The following HORMAD1 variants were observed in gnomAD, a reference collection of about 807,000 sequenced individuals.
HORMAD1 encodes the protein HORMA domain containing 1, also known as HORMA domain-containing protein 1.
Under a neutral mutation model 58.2 loss-of-function variants are expected in HORMAD1, and 33 were observed. The ratio of observed to expected loss-of-function variants is 0.57; its 90% CI spans 0.43 to 0.76. HORMAD1 has a LOEUF of 0.76. HORMAD1 is among the 30% of genes least tolerant of loss of function. HORMAD1 has a pLI of 0.00. For missense variants in HORMAD1, 363 were observed against 462.0 expected (o/e 0.79, Z 1.96); for synonymous variants, 137 against 144.6 (o/e 0.95, Z 0.38).
rs1652108466 is a variant in HORMAD1 at position 150,717,234 on chromosome 1, C to T, written c.82G>A (p.Val28Met). Residue 28 changes from valine (V) to methionine (M), a missense_variant, in exon 3 of 15, where the codon GTG (valine) becomes ATG (methionine). By Grantham distance (21) the Val-to-Met change is conservative. This residue lies in a region of HORMAD1 where 128 missense variants were observed against 171.8 expected (regional missense o/e 0.74). Coordinates refer to ENST00000361824, the MANE Select transcript of HORMAD1 (RefSeq NM_032132.5). ...NKISTEHQSLVLVKRLLAVSV... is the reference protein window; with the variant it reads ...NKISTEHQSLMLVKRLLAVSV... ...ACTGCTAGAAGCCTCTTCACTAACA[C>T]CAAAGACTGGTGTTCAGTTGATATC... 3 of 1,595,812 alleles carry T rather than the reference C, an allele frequency of 1.9e-6. No individual in the cohort carries two copies. Among genetic ancestry groups the T allele is most frequent in the African/African-American group, 1.3e-5 (1 of 74,320 alleles).
At chr1:150,704,872 G>A (rs112718432) in intron 10 of HORMAD1, among the ~76,000 whole-genome samples, 54,968 of 151,660 alleles carry the variant, frequency 0.36, 10,388 homozygotes, top group South Asian at 0.54. Context: ...GTGAAATCTC[G>A]TCTCTACTAA....
intron 14 of HORMAD1, 133 bp from the exon 15 acceptor site, chr1:150,698,867 A>G: frequency 1.9e-6 from 1 of 529,582 alleles, no homozygotes; most frequent in South Asian, 3.1e-5. Flanking sequence ...GCATAACTAT[A>G]TCTGGGTTTC....
Position 150,714,657 on chromosome 1 carries a change from C to CTGTA in HORMAD1, c.199_200insTACA (p.Arg67IlefsTer5). 7.0e-7 allele frequency: 1 copy of CTGTA among 1,430,800 alleles called. No homozygotes were observed. The highest frequency in any genetic ancestry group is 1.5e-5 in the South Asian group (1 of 68,262). 88.6% of individuals were successfully genotyped at this position (1,430,800 alleles called of 1,614,324 possible). On this transcript the variant is annotated frameshift_variant, in exon 4 of 15. Coordinates refer to ENST00000361824, the MANE Select transcript of HORMAD1 (RefSeq NM_032132.5). LOFTEE classifies it high-confidence loss of function. ...AGATCCTGGGCAATTTTTATCTTCTCTCAGTATTTTGACACAAAGATCTAA... is the reference window on the plus strand; with the variant it reads ...AGATCCTGGGCAATTTTTATCTTCTCTGTATCAGTATTTTGACACAAAGATCTAA...
rs1347082356 is a variant in HORMAD1, at chr1:150,709,127, T to C, written c.328-166A>G. ...ATTCCTCATAGTCAGTTTTCATGGTTTGGGTTTGGGGCTTCAGTCTTGGAG... is the reference window on the plus strand; with the variant it reads ...ATTCCTCATAGTCAGTTTTCATGGTCTGGGTTTGGGGCTTCAGTCTTGGAG... On this transcript the variant is annotated intron_variant, in intron 7 of 14. Transcript: ENST00000361824. The C allele has an allele frequency of 1.7e-5, 10 of 599,830 alleles. No homozygotes were observed. In the South Asian group the frequency reaches 2.0e-4, roughly 12 times the overall value. 37.2% of individuals were successfully genotyped at this position (599,830 alleles called of 1,614,324 possible). A position where few individuals can be genotyped will look rare whatever the true frequency, so the allele number is the denominator to read the frequency against.
rs183327672 is a variant in HORMAD1, at chr1:150,711,803, A to G, written c.300+30T>C. The G allele has an allele frequency of 1.4e-3, 2,173 of 1,526,716 alleles. 49 individuals carry two copies. The South Asian group carries it at 0.021, about 15-fold the overall frequency. The allele number at this position is 1,526,716 out of a possible 1,614,324, so 94.6% of individuals were successfully genotyped here. A position where few individuals can be genotyped will look rare whatever the true frequency, so the allele number is the denominator to read the frequency against. On this transcript the variant is annotated intron_variant, in intron 6 of 14. Transcript: ENST00000361824. ...GCAAGGCCAAATTTGGCAGTATTAAAAAAAGAACACACAATTTAAAAATAC... is the reference window on the plus strand; with the variant it reads ...GCAAGGCCAAATTTGGCAGTATTAAGAAAAGAACACACAATTTAAAAATAC...
intron 3 of HORMAD1, among the ~76,000 whole-genome samples, chr1:150,716,149 A>ATT (rs1652068228): frequency 1.0e-5 from 1 of 98,876 alleles, no homozygotes; most frequent in African/African-American, 4.2e-5. Context: ...ACAAAGGACC[A>ATT]CTTTTTTTTT....
At chr1:150,698,794 T>G (rs1651447802) in intron 14 of HORMAD1, 60 bp from the exon 15 acceptor site, 11 of 993,046 alleles carry the variant, frequency 1.1e-5, no homozygotes, top group South Asian at 3.3e-5. Context: ...TCTTTAATTG[T>G]AGATTTTTTC....
intron 14 of HORMAD1, 30 bp from the exon 15 acceptor site, chr1:150,698,764 G>C (rs753606210): frequency 4.9e-6 from 6 of 1,236,928 alleles, no homozygotes; most frequent in Non-Finnish European, 6.9e-6. Flanking sequence ...ACTAAGAATA[G>C]ATACTTTCCT....
chr1:150,706,838 G>C, intron 9 of HORMAD1, 29 bp from the exon 10 acceptor site: 1 of 1,533,192 alleles, frequency 6.5e-7, no homozygotes, highest in Non-Finnish European at 8.8e-7. Context: ...AAACTGTGCT[G>C]TTCATGAAAT....
chr1:150,711,910 T>C (rs1651916515), intron 5 of HORMAD1, 57 bp from the exon 6 acceptor site: 5 of 1,145,822 alleles, frequency 4.4e-6, no homozygotes, highest in Non-Finnish European at 6.4e-6. Context: ...AATTTTTCAT[T>C]ACGAATCATA....
chr1:150,703,125 C>T (rs587752012), intron 13 of HORMAD1, among the ~76,000 whole-genome samples, 185 bp downstream of exon 13: 93 of 152,246 alleles, frequency 6.1e-4, no homozygotes, highest in Admixed American at 2.9e-3. Flanking sequence ...TTTCCAGTTA[C>T]TAAACTTCAG....
At chr1:150,701,884 C>T (rs1651547968) in intron 13 of HORMAD1, 1 of 152,128 alleles carries the variant, frequency 6.6e-6, no homozygotes, top group Non-Finnish European at 1.5e-5. Flanking sequence ...TTCAGCAGCA[C>T]ATATGCTAAA....
intron 13 of HORMAD1, among the ~76,000 whole-genome samples, chr1:150,702,581 C>T (rs1387001404): frequency 6.6e-6 from 1 of 152,112 alleles, no homozygotes; most frequent in African/African-American, 2.4e-5. Flanking sequence ...GAAATGAAAT[C>T]ATGTCCTTTG....
intron 10 of HORMAD1, 76 bp from the exon 11 acceptor site, chr1:150,704,419 A>G: frequency 1.1e-6 from 1 of 945,732 alleles, no homozygotes; most frequent in Admixed American, 2.8e-5. Flanking sequence ...AGCATTTATG[A>G]ACAAATTTGT....
chr1:150,703,435 T>C (rs587649446), intron 12 of HORMAD1, 42 bp from the exon 13 acceptor site: 1 of 1,108,076 alleles, frequency 9.0e-7, no homozygotes, highest in African/African-American at 1.6e-5. Flanking sequence ...CTTAGTATAA[T>C]AAAACCTTTT....
At chr1:150,716,301 A>G (rs908435015) in intron 3 of HORMAD1, among the ~76,000 whole-genome samples, 6 of 151,628 alleles carry the variant, frequency 4.0e-5, no homozygotes, top group African/African-American at 1.2e-4. Context: ...AGCTGGGACT[A>G]CAGGCATGCA....
rs587699587 is a variant in HORMAD1, at chr1:150,715,900, T to C, written c.179-1222A>G. ...CTTCTAAAGGTATTGAATATATATA[T>C]ATATGTATATATTTTAAAACCATTT... On this transcript the variant is annotated intron_variant, in intron 3 of 14. Coordinates refer to ENST00000361824, the MANE Select transcript of HORMAD1 (RefSeq NM_032132.5). Among the ~76,000 whole-genome samples the C allele has an allele frequency of 6.0e-3, 907 of 151,836 alleles. 12 individuals are homozygous for C. Among genetic ancestry groups the C allele is most frequent in the African/African-American group, 0.018 (728 of 41,454 alleles).
chr1:150,710,541 A>G (rs1341498995), intron 7 of HORMAD1, among the ~76,000 whole-genome samples: 1 of 152,230 alleles, frequency 6.6e-6, no homozygotes, highest in African/African-American at 2.4e-5. Context: ...ATGCACAACT[A>G]TATAACATAT....
rs2101832281 is a variant in HORMAD1, at chr1:150,698,486, T to C, written c.*168A>G. ...TTTTATTCAAAAGTTCTATTGGATT[T>C]ATCTCAAGATTAAGGACCACAATAT... On this transcript the variant is annotated 3_prime_UTR_variant, in exon 15 of 15. Transcript: ENST00000361824. The C allele has an allele frequency of 4.8e-6, 2 of 412,682 alleles. No homozygotes were observed. The highest frequency in any genetic ancestry group is 7.4e-5 in the East Asian group (2 of 26,908). 25.6% of individuals were successfully genotyped at this position (412,682 alleles called of 1,614,324 possible).
Sources: gnomAD v4.1 joint callset for allele counts (sites outside exome capture counted in the v4.1 genomes callset) on GRCh38, gnomAD v4.1.1 for gene constraint, gnomAD v4.1.1 regional missense constraint, MANE v1.5 for transcripts, NCBI Gene and HGNC (gene_info 2026-07-23, HGNC 2026-07-21) for gene names.